Variants in NAP1L4 observed in about 807,000 individuals in gnomAD.
The protein encoded by NAP1L4 is nucleosome assembly protein 1-like 4.
NAP1L4 carries 15 observed loss-of-function variants against 58.2 expected under a neutral mutation model. The ratio of observed to expected loss-of-function variants is 0.26; its 90% CI spans 0.17 to 0.40. The LOEUF is 0.40. Ranked by LOEUF, NAP1L4 falls within the 10% of genes least tolerant of loss-of-function variation. The pLI is 1.00. For missense variants in NAP1L4, 384 were observed against 451.1 expected (o/e 0.85, Z 1.35); for synonymous variants, 171 against 155.6 (o/e 1.10, Z -0.74).
chr11:2,986,010 G>T (rs1049540548), intron 1 of NAP1L4, among the ~76,000 whole-genome samples: 5 of 152,234 alleles, frequency 3.3e-5, no homozygotes, highest in Middle Eastern at 6.8e-3. Context: ...AAAGATTTTT[G>T]TAACAAAATA....
chr11:2,947,321 T>C lies in NAP1L4; in HGVS notation c.*33-1675A>G, dbSNP rs368787725. ...TCTGTCCTAAATAAAACCAATATCC[T>C]GGGTGAAGACTGCTAGAGGGAATAG... is the stretch of plus-strand genomic sequence containing the variant. On this transcript the variant is annotated intron_variant, in intron 15 of 15. Transcript: ENST00000380542. 1.2e-4 allele frequency among the ~76,000 whole-genome samples: 18 copies of C among 152,376 alleles called. No individual in the cohort carries two copies. In the East Asian group the frequency reaches 2.5e-3, roughly 21 times the overall value.
chr11:2,945,688 C>T (rs1845904341), intron 15 of NAP1L4, 42 bp from the exon 16 acceptor site: 1 of 1,492,936 alleles, frequency 6.7e-7, no homozygotes, highest in Non-Finnish European at 9.0e-7. Flanking sequence ...GCAAAGCCAG[C>T]TCCATTCACC....
intron 7 of NAP1L4, among the ~76,000 whole-genome samples, chr11:2,967,590 G>T (rs944799580): frequency 5.5e-5 from 8 of 145,464 alleles, no homozygotes; most frequent in African/African-American, 2.1e-4. Context: ...CAGCCTGGGC[G>T]ACAGAGCGAG....
Position 2,959,746 on chromosome 11 carries a change from CA to C in NAP1L4, c.746+23del. 1 of 1,606,390 alleles carries C rather than the reference CA, an allele frequency of 6.2e-7. No individual in the cohort carries two copies. The highest frequency in any genetic ancestry group is 8.5e-7 in the Non-Finnish European group (1 of 1,177,332). The stretch of plus-strand genomic sequence containing the variant: ...ATCTTTTGATTTTGTTTCAGAAAAA[CA>C]AGGTAGAATGACATTTTCTTACCCG... On this transcript the variant is annotated intron_variant, in intron 9 of 15. Transcript: ENST00000380542. This position sits in a 1 kb window ranked among gnomAD's most constrained non-coding sequence, Gnocchi z 4.9.
chr11:2,966,270 TCAAA>T (rs745975437), intron 7 of NAP1L4, among the ~76,000 whole-genome samples: 2 of 152,202 alleles, frequency 1.3e-5, no homozygotes, highest in East Asian at 1.9e-4. Context: ...GACCATCACC[TCAAA>T]CATTTATTTT....
intron 8 of NAP1L4, among the ~76,000 whole-genome samples, chr11:2,962,028 T>C (rs1564978824): frequency 1.3e-5 from 2 of 152,206 alleles, no homozygotes; most frequent in Non-Finnish European, 2.9e-5. Flanking sequence ...ATAAATATGC[T>C]AACCATGCTC....
In NAP1L4 at chr11:2,945,308, T is replaced by G. The variant is rs1307378921; in HGVS notation, c.*371A>C. 1 of 316,884 alleles carries G rather than the reference T, an allele frequency of 3.2e-6. No homozygotes were observed. Among genetic ancestry groups the G allele is most frequent in the Non-Finnish European group, 5.7e-6 (1 of 174,260 alleles). The allele number at this position is 316,884 out of a possible 1,614,324, so 19.6% of individuals were successfully genotyped here. ...TTGCCAAGTGACCCCCACCCCACCC[T>G]GATGTGGTCTACAGGGCCCTCCCAC... On this transcript the variant is annotated 3_prime_UTR_variant, in exon 16 of 16. Transcript: ENST00000380542.
In NAP1L4 at chr11:2,948,351, C is replaced by G. The variant is rs1846048232; in HGVS notation, c.*32+876G>C. Among the ~76,000 whole-genome samples, 3 of 152,180 alleles carry G rather than the reference C, an allele frequency of 2.0e-5. No individual in the cohort carries two copies. The highest frequency in any genetic ancestry group is 4.4e-5 in the Non-Finnish European group (3 of 68,038). ...CATGCTGATGTTCTGTGACGAGACC[C>G]TTAAAAACGGAGTGCCTACTTATCC... On this transcript the variant is annotated intron_variant, in intron 15 of 15. Transcript: ENST00000380542. This position sits in a 1 kb window ranked among gnomAD's most constrained non-coding sequence, Gnocchi z 5.1.
intron 10 of NAP1L4, among the ~76,000 whole-genome samples, chr11:2,956,176 C>CTTAA (rs963064704): frequency 1.3e-5 from 2 of 152,192 alleles, no homozygotes; most frequent in African/African-American, 4.8e-5. Flanking sequence ...AGAGAAAGTC[C>CTTAA]TTAAGCCTTA....
Position 2,961,769 on chromosome 11 carries a change from C to A in NAP1L4, c.607-1860G>T, listed in dbSNP as rs566296221. ...CTGGTCTTGAACTCCTGGGGTCAAG[C>A]AATCCTCCCACCTTGGCCTCCTAAA... On this transcript the variant is annotated intron_variant, in intron 8 of 15. Transcript: ENST00000380542. Among the ~76,000 whole-genome samples the A allele has an allele frequency of 2.6e-5, 4 of 152,274 alleles. No individual in the cohort carries two copies. The East Asian group carries it at 7.7e-4, about 29-fold the overall frequency.
intron 1 of NAP1L4, among the ~76,000 whole-genome samples, chr11:2,986,299 G>C (rs1848611594): frequency 6.6e-6 from 1 of 151,680 alleles, no homozygotes; most frequent in Non-Finnish European, 1.5e-5. Flanking sequence ...GCTTGAACCT[G>C]GGGGGCGGAG....
intron 1 of NAP1L4, among the ~76,000 whole-genome samples, chr11:2,986,892 G>C (rs1378994722): frequency 1.4e-5 from 2 of 141,288 alleles, no homozygotes; most frequent in East Asian, 2.1e-4. Flanking sequence ...ACCTCCCAAA[G>C]TGCTGGGATT....
chr11:2,985,919 A>G (rs766197887), intron 1 of NAP1L4, among the ~76,000 whole-genome samples: 6 of 152,196 alleles, frequency 3.9e-5, no homozygotes, highest in Non-Finnish European at 8.8e-5. Context: ...ATGTTCTTTT[A>G]TTTATATTAG....
At chr11:2,953,305 C>T (rs1349401269) in intron 12 of NAP1L4, among the ~76,000 whole-genome samples, 1 of 152,252 alleles carries the variant, frequency 6.6e-6, no homozygotes, top group Non-Finnish European at 1.5e-5. Context: ...GTCCTTTAAA[C>T]TGACGGGTGT....
In NAP1L4 at chr11:2,954,473, G is replaced by C. The variant is rs1297543709; in HGVS notation, c.1035+54C>G. On this transcript the variant is annotated intron_variant, in intron 12 of 15. Transcript: ENST00000380542. The surrounding 1 kb of genome is among the most constrained non-coding windows in gnomAD (Gnocchi z 4.8). The stretch of plus-strand genomic sequence containing the variant: ...CTAAGCCACAATTCAGGGCCACTCT[G>C]CACCAACAGAGATAAGCACCCAGGT... 1.2e-6 allele frequency: 2 copies of C among 1,611,982 alleles called. No homozygotes were observed. The highest frequency in any genetic ancestry group is 1.7e-5 in the Admixed American group (1 of 59,938).
chr11:2,955,657 C>A lies in NAP1L4; in HGVS notation c.915+87G>T. ...ATACCCAGTCCACACACAGCCAGGA[C>A]TGGACTTTTTTTAACAAGTAGACAA... On this transcript the variant is annotated intron_variant, in intron 11 of 15. Coordinates refer to ENST00000380542, the MANE Select transcript of NAP1L4 (RefSeq NM_005969.4). The surrounding 1 kb of genome is among the most constrained non-coding windows in gnomAD (Gnocchi z 4.2). 2 of 1,374,806 alleles carry A rather than the reference C, an allele frequency of 1.5e-6. No individual in the cohort carries two copies. The highest frequency in any genetic ancestry group is 2.1e-6 in the Non-Finnish European group (2 of 974,800). 85.2% of individuals were successfully genotyped at this position (1,374,806 alleles called of 1,614,324 possible). A position where few individuals can be genotyped will look rare whatever the true frequency, so the allele number is the denominator to read the frequency against.
Position 2,964,243 on chromosome 11 carries a change from T to C in NAP1L4, c.606+437A>G, listed in dbSNP as rs192163031. Among the ~76,000 whole-genome samples, 17 of 152,190 alleles carry C rather than the reference T, an allele frequency of 1.1e-4. No homozygotes were observed. In the East Asian group the frequency reaches 3.3e-3, roughly 29 times the overall value. On this transcript the variant is annotated intron_variant, in intron 8 of 15. Transcript: ENST00000380542. ...CATATACATTAGATGCATGCAAACTTCAGAGACACTTGGGAAAAGAATGGT... is the reference window on the plus strand; with the variant it reads ...CATATACATTAGATGCATGCAAACTCCAGAGACACTTGGGAAAAGAATGGT...
rs991291024 is a variant in NAP1L4, at chr11:2,946,820, T to G, written c.*33-1174A>C. On this transcript the variant is annotated intron_variant, in intron 15 of 15. Coordinates refer to ENST00000380542, the MANE Select transcript of NAP1L4 (RefSeq NM_005969.4). This position sits in a 1 kb window ranked among gnomAD's most constrained non-coding sequence, Gnocchi z 4.8. Reference sequence around the variant, plus strand: ...ACCAAAAACCCTCGCCATGTCAATCTGACATTCAAGGGTAGACTGAAGGTG... The same window carrying G: ...ACCAAAAACCCTCGCCATGTCAATCGGACATTCAAGGGTAGACTGAAGGTG... Among the ~76,000 whole-genome samples the G allele has an allele frequency of 6.6e-6, 1 of 152,208 alleles. No homozygotes were observed. Among genetic ancestry groups the G allele is most frequent in the African/African-American group, 2.4e-5 (1 of 41,456 alleles).
intron 3 of NAP1L4, among the ~76,000 whole-genome samples, chr11:2,977,249 T>C (rs1196498042): frequency 6.6e-6 from 1 of 152,204 alleles, no homozygotes; most frequent in East Asian, 1.9e-4. Context: ...GCCTGACAGA[T>C]TGCTTCCAAG....
Sources: allele counts gnomAD v4.1 joint callset (sites outside exome capture counted in the v4.1 genomes callset), GRCh38; gene constraint gnomAD v4.1.1; non-coding constraint Gnocchi (gnomAD v3.1); transcripts MANE v1.5; gene names NCBI Gene and HGNC (gene_info 2026-07-23, HGNC 2026-07-21).